YWHAZ: variants seen among roughly 807,000 people sequenced by gnomAD.
The protein encoded by YWHAZ is 14-3-3 protein zeta/delta.
For missense variants in YWHAZ, 79 were observed against 284.8 expected (o/e 0.28, Z 5.20); for synonymous variants, 87 against 103.6 (o/e 0.84, Z 0.97).
intron 2 of YWHAZ, among the ~76,000 whole-genome samples, chr8:100,939,427 A>C (rs1814450794): frequency 6.6e-6 from 1 of 152,110 alleles, no homozygotes. Context: ...TTGGAGGCCG[A>C]GGCGGGTGGA....
Position 100,926,013 on chromosome 8 carries a change from A to C in YWHAZ, c.295-974T>G, listed in dbSNP as rs375588568. ...ACACTCTGAGAATCAAGGTGAAGTC[A>C]ATTTTCAGCTGAGCTAAATTCCAAA... On this transcript the variant is annotated intron_variant, in intron 2 of 5. Transcript: ENST00000395958. Among the ~76,000 whole-genome samples the C allele has an allele frequency of 4.0e-5, 6 of 151,480 alleles. No homozygotes were observed. In the East Asian group the frequency reaches 9.7e-4, roughly 25 times the overall value.
At position 100,948,064 on chromosome 8, in the gene YWHAZ, G is replaced by C; in HGVS notation, c.294+532C>G. 1 of 1,527,646 alleles carries C rather than the reference G, an allele frequency of 6.5e-7. No individual in the cohort carries two copies. Among genetic ancestry groups the C allele is most frequent in the Non-Finnish European group, 8.8e-7 (1 of 1,141,810 alleles). 94.6% of individuals were successfully genotyped at this position (1,527,646 alleles called of 1,614,324 possible). A position where few individuals can be genotyped will look rare whatever the true frequency, so the allele number is the denominator to read the frequency against. On this transcript the variant is annotated intron_variant, in intron 2 of 5. Transcript: ENST00000395958. This position sits in a 1 kb window ranked among gnomAD's most constrained non-coding sequence, Gnocchi z 4.2. ...ATAACCTTTCATCATGGTTGTGAGT[G>C]TTCAAAATTTACCTTCAAGAATTCA...
chr8:100,932,924 T>C (rs1372476939), intron 2 of YWHAZ, among the ~76,000 whole-genome samples: 6 of 152,166 alleles, frequency 3.9e-5, no homozygotes, highest in African/African-American at 7.2e-5. Flanking sequence ...GGTAAAGAAA[T>C]ACAATAATCA....
rs114645200 is a variant in YWHAZ, at chr8:100,949,324, T to C, written c.-11-424A>G. Among the ~76,000 whole-genome samples the C allele has an allele frequency of 5.1e-3, 778 of 152,310 alleles. 8 individuals carry two copies. Among genetic ancestry groups the C allele is most frequent in the African/African-American group, 0.017 (708 of 41,572 alleles). On this transcript the variant is annotated intron_variant, in intron 1 of 5. Transcript: ENST00000395958. ...TTTACAGAGAACATCTGGATTTCTATCATATTTCCAGAATCATAATTCATA... is the reference window on the plus strand; with the variant it reads ...TTTACAGAGAACATCTGGATTTCTACCATATTTCCAGAATCATAATTCATA...
chr8:100,926,770 T>TTA (rs1813394748), intron 2 of YWHAZ, among the ~76,000 whole-genome samples: 1 of 152,244 alleles, frequency 6.6e-6, no homozygotes, highest in Non-Finnish European at 1.5e-5. Context: ...ACAATGCTTT[T>TTA]TACCACCTAT....
intron 1 of YWHAZ, 198 bp downstream of exon 1, chr8:100,951,731 G>A (rs1810803899): frequency 5.1e-6 from 5 of 985,434 alleles, no homozygotes; most frequent in Non-Finnish European, 4.8e-6. Flanking sequence ...CAAGGAGCCG[G>A]AGGCGGCCGC....
At chr8:100,947,907 G>T (rs539585227) in intron 2 of YWHAZ, among the ~76,000 whole-genome samples, 3 of 152,264 alleles carry the variant, frequency 2.0e-5, no homozygotes, top group Admixed American at 6.5e-5. Context: ...TGATCAAAAA[G>T]CCCTACTTTA....
At chr8:100,926,538 G>A (rs145568690) in intron 2 of YWHAZ, among the ~76,000 whole-genome samples, 2 of 152,194 alleles carry the variant, frequency 1.3e-5, no homozygotes, top group Non-Finnish European at 1.5e-5. Context: ...AGAACTGCTT[G>A]AGCCCGAGAG....
At chr8:100,932,697 T>C (rs1390621615) in intron 2 of YWHAZ, among the ~76,000 whole-genome samples, 1 of 152,294 alleles carries the variant, frequency 6.6e-6, no homozygotes, top group African/African-American at 2.4e-5. Context: ...CTGCAGTTCT[T>C]TGAAGAAAAA....
In YWHAZ at chr8:100,951,214, C is replaced by T. The variant is rs868009089; in HGVS notation, c.-12+715G>A. 15 of 985,180 alleles carry T rather than the reference C, an allele frequency of 1.5e-5. No homozygotes were observed. In the African/African-American group the frequency reaches 2.4e-4, roughly 16 times the overall value. 61.0% of individuals were successfully genotyped at this position (985,180 alleles called of 1,614,324 possible). A position where few individuals can be genotyped will look rare whatever the true frequency, so the allele number is the denominator to read the frequency against. On this transcript the variant is annotated intron_variant, in intron 1 of 5. Transcript: ENST00000395958. ...GCAGTGGACTCCCCTCCCGCCGGCG[C>T]GCAGCCTCGCCCCGGTCTACCTGGC...
intron 2 of YWHAZ, among the ~76,000 whole-genome samples, chr8:100,945,140 G>A (rs1810169892): frequency 6.6e-6 from 1 of 152,170 alleles, no homozygotes; most frequent in Non-Finnish European, 1.5e-5. Flanking sequence ...ATTGCAGTTT[G>A]AAATTAACAC....
intron 1 of YWHAZ, chr8:100,950,498 C>G (rs1179118814): frequency 2.0e-6 from 2 of 985,496 alleles, no homozygotes; most frequent in Non-Finnish European, 2.4e-6. Context: ...AACCACCCCC[C>G]TCCAGGCTCC....
At chr8:100,946,802 G>A (rs376977468) in intron 2 of YWHAZ, among the ~76,000 whole-genome samples, 4 of 148,802 alleles carry the variant, frequency 2.7e-5, no homozygotes, top group Admixed American at 6.7e-5. Context: ...AAAACTTTTC[G>A]ATCAGGTGTA....
At chr8:100,931,678 A>C (rs548801179) in intron 2 of YWHAZ, among the ~76,000 whole-genome samples, 4 of 152,288 alleles carry the variant, frequency 2.6e-5, no homozygotes, top group South Asian at 4.1e-4. Flanking sequence ...ATGAACATAT[A>C]AACAGGAGGG....
upstream of YWHAZ, chr8:100,952,818 T>A: frequency 1.0e-6 from 1 of 1,000,100 alleles, no homozygotes; most frequent in Non-Finnish European, 1.2e-6. Flanking sequence ...GCGCGGCCCC[T>A]CCCGGCCTCC....
intron 2 of YWHAZ, chr8:100,931,881 T>C (rs1813787601): frequency 6.6e-6 from 1 of 151,636 alleles, no homozygotes; most frequent in African/African-American, 2.4e-5. Flanking sequence ...TGCAAAAAAG[T>C]TTTCATTCAA....
upstream of YWHAZ, chr8:100,952,353 T>TC (rs1203605931): frequency 6.1e-6 from 1 of 163,896 alleles, no homozygotes. Flanking sequence ...CCAACGCAAA[T>TC]CCCCCACTCC....
intron 2 of YWHAZ, among the ~76,000 whole-genome samples, chr8:100,944,430 CAG>C (rs1810115230): frequency 6.6e-6 from 1 of 152,134 alleles, no homozygotes. Context: ...GTCAAATTAA[CAG>C]AATCACTATT....
At chr8:100,941,917 TTC>T (rs1284768282) in intron 2 of YWHAZ, among the ~76,000 whole-genome samples, 8 of 152,148 alleles carry the variant, frequency 5.3e-5, no homozygotes, top group African/African-American at 1.9e-4. Context: ...GCAATAATCC[TTC>T]TTAGATTTTA....
Sources: allele counts gnomAD v4.1 joint callset (sites outside exome capture counted in the v4.1 genomes callset), GRCh38; gene constraint gnomAD v4.1.1; non-coding constraint Gnocchi (gnomAD v3.1); transcripts MANE v1.5; gene names NCBI Gene and HGNC (gene_info 2026-07-23, HGNC 2026-07-21).